Variants in CDH13 observed in about 807,000 individuals in gnomAD.
CDH13 encodes the protein cadherin-13.
A neutral mutation model predicts 63.8 loss-of-function variants in CDH13; 24 were observed. The observed-to-expected ratio is 0.38, with a 90% CI of 0.27 to 0.53. The LOEUF (loss-of-function observed/expected upper bound fraction) is 0.53, where lower values mean the gene tolerates loss of function less well. CDH13 is among the 20% of genes least tolerant of loss of function. The probability of loss-of-function intolerance (pLI) is 0.85; values close to 1 mark genes in which losing one functional copy is unlikely to be tolerated. For synonymous variants in CDH13, 503 were observed against 355.3 expected, an observed-to-expected ratio of 1.42 and a Z score of -4.67; for missense variants, 1,049 against 903.1, an observed-to-expected ratio of 1.16 and a Z score of -2.07.
intron 7 of CDH13, among the ~76,000 whole-genome samples, chr16:83,514,281 A>G (rs1171825174): frequency 1.3e-5 from 2 of 152,202 alleles, no homozygotes; most frequent in East Asian, 3.8e-4. Context: ...TTTCAGATGT[A>G]ATTAGCTAAG....
intron 1 of CDH13, among the ~76,000 whole-genome samples, chr16:82,663,835 C>A (rs924077510): frequency 1.3e-5 from 2 of 152,202 alleles, no homozygotes; most frequent in Admixed American, 1.3e-4. Flanking sequence ...ATTTACCTCT[C>A]TGCTAGCTTA....
chr16:82,985,253 T>G (rs1910788954), intron 2 of CDH13, among the ~76,000 whole-genome samples: 1 of 152,194 alleles, frequency 6.6e-6, no homozygotes, highest in African/African-American at 2.4e-5. Flanking sequence ...GGAGAACTTC[T>G]TTTGAATCTA....
At chr16:82,925,827 C>G (rs946852190) in intron 2 of CDH13, 4 of 152,198 alleles carry the variant, frequency 2.6e-5, no homozygotes, top group African/African-American at 9.6e-5. Context: ...AGGTCTCCTA[C>G]CACCGAGGAC....
At chr16:82,793,995 C>T (rs1471481675) in intron 1 of CDH13, among the ~76,000 whole-genome samples, 1 of 151,884 alleles carries the variant, frequency 6.6e-6, no homozygotes, top group African/African-American at 2.4e-5. Flanking sequence ...GCTACAAGCC[C>T]CACCAAGAAG....
chr16:83,488,006 T>C (rs1183395635), intron 7 of CDH13, among the ~76,000 whole-genome samples: 1 of 152,232 alleles, frequency 6.6e-6, no homozygotes, highest in Non-Finnish European at 1.5e-5. Context: ...GCTAATTAGG[T>C]TGTCATTTGT....
intron 5 of CDH13, among the ~76,000 whole-genome samples, chr16:83,258,843 T>G (rs528032911): frequency 6.6e-6 from 1 of 152,288 alleles, no homozygotes; most frequent in African/African-American, 2.4e-5. Flanking sequence ...CCTTATACTC[T>G]CATTTGAATA....
In CDH13 at chr16:82,986,266, A is replaced by C. The variant is rs774383982; in HGVS notation, c.158-45744A>C. ...CGTCTGAGCCTGAGTAACACTTGGC[A>C]ACCAGAGTGAGCCCCAGAACTGGCT... On this transcript the variant is annotated intron_variant, in intron 2 of 13. Coordinates refer to ENST00000567109, the MANE Select transcript of CDH13 (RefSeq NM_001257.5). Among the ~76,000 whole-genome samples the C allele has an allele frequency of 2.3e-4, 35 of 152,218 alleles. 1 individual carries two copies. The highest frequency in any genetic ancestry group is 4.4e-4 in the Non-Finnish European group (30 of 68,038).
chr16:83,415,964 G>A (rs781317929), intron 6 of CDH13, among the ~76,000 whole-genome samples: 19 of 152,058 alleles, frequency 1.2e-4, no homozygotes, highest in East Asian at 1.9e-4. Context: ...AAAATGTCCC[G>A]GTTTGTAGAC....
rs1276700277 is a variant in CDH13, at chr16:83,194,332, C to T, written c.484-23013C>T. 2.0e-5 allele frequency among the ~76,000 whole-genome samples: 3 copies of T among 152,200 alleles called. No individual in the cohort carries two copies. The East Asian group carries it at 5.8e-4, about 29-fold the overall frequency. Reference sequence around the variant, plus strand: ...ATGATCACGCTTGCTGTTAGCAGCGCAGATCCAGCGTAATTTTAAAAGCAA... The same window carrying T: ...ATGATCACGCTTGCTGTTAGCAGCGTAGATCCAGCGTAATTTTAAAAGCAA... On this transcript the variant is annotated intron_variant, in intron 4 of 13. Transcript: ENST00000567109.
At position 83,453,252 on chromosome 16, in the gene CDH13, A is replaced by C. The variant is rs556621527; in HGVS notation, c.782-33225A>C. 3.9e-5 allele frequency among the ~76,000 whole-genome samples: 6 copies of C among 152,306 alleles called. No individual in the cohort carries two copies. In the South Asian group the frequency reaches 1.0e-3, roughly 26 times the overall value. ...TAGTGTATGAGGGATAAAAGACTAC[A>C]AATTGAGTTCAGTGTACACTGCTCA... On this transcript the variant is annotated intron_variant, in intron 6 of 13. Transcript: ENST00000567109.
intron 7 of CDH13, among the ~76,000 whole-genome samples, chr16:83,586,083 G>A (rs142116228): frequency 1.8e-3 from 271 of 152,358 alleles, no homozygotes; most frequent in African/African-American, 6.3e-3. Context: ...TTTCCAACAT[G>A]TAGTAAGTGC....
chr16:83,643,245 G>T (rs1598404112), intron 8 of CDH13, among the ~76,000 whole-genome samples: 1 of 64,860 alleles, frequency 1.5e-5, no homozygotes, highest in African/African-American at 7.4e-5. Flanking sequence ...TAACTAACCT[G>T]CACAATGTGC....
chr16:82,909,987 C>T (rs1236141337), intron 2 of CDH13, among the ~76,000 whole-genome samples: 1 of 152,204 alleles, frequency 6.6e-6, no homozygotes, highest in East Asian at 1.9e-4. Context: ...TTGGAGTTAG[C>T]TGTGGCCATG....
chr16:83,322,335 A>T (rs1281425059), intron 5 of CDH13, among the ~76,000 whole-genome samples: 2 of 152,188 alleles, frequency 1.3e-5, no homozygotes, highest in Non-Finnish European at 2.9e-5. Context: ...GTGGTTATGG[A>T]GCAGCCAGAG....
chr16:83,647,647 G>C (rs7199152), intron 8 of CDH13, among the ~76,000 whole-genome samples: 130,628 of 152,218 alleles, frequency 0.86, 56,076 homozygotes, highest in Admixed American at 0.89. Context: ...AAGGAAAATT[G>C]ACAGATTTTT....
intron 1 of CDH13, among the ~76,000 whole-genome samples, chr16:82,836,519 T>C (rs2038775371): frequency 6.6e-6 from 1 of 152,008 alleles, no homozygotes; most frequent in Admixed American, 6.6e-5. Context: ...TATGCCAAAG[T>C]GGGTGTATGT....
intron 5 of CDH13, among the ~76,000 whole-genome samples, chr16:83,291,247 C>T (rs565845390): frequency 1.3e-5 from 2 of 152,272 alleles, no homozygotes; most frequent in South Asian, 2.1e-4. Context: ...CTTTGCTGCT[C>T]TTCCTCGAAG....
At chr16:82,713,368 C>A (rs1051268636) in intron 1 of CDH13, among the ~76,000 whole-genome samples, 3 of 152,084 alleles carry the variant, frequency 2.0e-5, no homozygotes, top group African/African-American at 4.8e-5. Context: ...ATTTGAAGTA[C>A]CTGCATGAGT....
Position 83,354,679 on chromosome 16 carries a change from G to A in CDH13, c.781+9673G>A, listed in dbSNP as rs146249805. 1.4e-3 allele frequency among the ~76,000 whole-genome samples: 209 copies of A among 152,324 alleles called. 1 individual carries two copies. Among genetic ancestry groups the A allele is most frequent in the African/African-American group, 4.8e-3 (201 of 41,574 alleles). The stretch of plus-strand genomic sequence containing the variant: ...CCAAGTAAAGGCATGGAGAAAGGAT[G>A]TTCCAGACGCAGGGGCCAGGAAGTG... On this transcript the variant is annotated intron_variant, in intron 6 of 13. Transcript: ENST00000567109.
Sources: allele counts gnomAD v4.1 joint callset (sites outside exome capture counted in the v4.1 genomes callset), GRCh38; gene constraint gnomAD v4.1.1; transcripts MANE v1.5; gene names NCBI Gene and HGNC (gene_info 2026-07-23, HGNC 2026-07-21).